The following KIF26B variants were observed in gnomAD, a reference collection of about 807,000 sequenced individuals.
KIF26B encodes kinesin-like protein KIF26B.
A neutral mutation model predicts 151.2 loss-of-function variants in KIF26B; 63 were observed. The ratio of observed to expected loss-of-function variants is 0.42; its 90% CI spans 0.34 to 0.51. The LOEUF (loss-of-function observed/expected upper bound fraction) is 0.51. KIF26B is among the 20% of genes least tolerant of loss of function. The probability of loss-of-function intolerance (pLI) is 0.07; values close to 1 mark genes in which losing one functional copy is unlikely to be tolerated. For synonymous variants in KIF26B, 1,357 were observed against 1,262.1 expected, an observed-to-expected ratio of 1.08 and a Z score of -1.59; for missense variants, 2,813 against 2,913.6, an observed-to-expected ratio of 0.97 and a Z score of 0.79.
chr1:245,177,636 T>C (rs1305865755), intron 2 of KIF26B, among the ~76,000 whole-genome samples: 1 of 151,416 alleles, frequency 6.6e-6, no homozygotes, highest in South Asian at 2.1e-4. Context: ...ATTCATTGCC[T>C]TTTGGTTTTG....
rs1000979874 is a variant in KIF26B at position 245,659,927 on chromosome 1, A to G, written c.2258+13647A>G. On this transcript the variant is annotated intron_variant, in intron 10 of 14. Coordinates refer to ENST00000407071, the MANE Select transcript of KIF26B (RefSeq NM_018012.4). ...GCCAGGCGTGGTGGAACATGCCTGT[A>G]ATCTCAGCTACTCAGGAGCCTGAGG... 2.0e-5 allele frequency among the ~76,000 whole-genome samples: 3 copies of G among 151,314 alleles called. No individual in the cohort carries two copies. In the South Asian group the frequency reaches 6.3e-4, roughly 32 times the overall value.
intron 2 of KIF26B, among the ~76,000 whole-genome samples, chr1:245,205,799 C>T (rs1669393519): frequency 6.6e-6 from 1 of 150,806 alleles, no homozygotes; most frequent in Non-Finnish European, 1.5e-5. Context: ...TGAACACCTT[C>T]TGGGCTCAAG....
intron 2 of KIF26B, among the ~76,000 whole-genome samples, chr1:245,177,584 G>A (rs367576626): frequency 6.6e-6 from 1 of 152,152 alleles, no homozygotes; most frequent in African/African-American, 2.4e-5. Flanking sequence ...AGTTGCTGTA[G>A]CGCCATTATT....
intron 3 of KIF26B, among the ~76,000 whole-genome samples, chr1:245,401,564 G>A (rs1042992830): frequency 1.3e-5 from 2 of 152,160 alleles, no homozygotes; most frequent in African/African-American, 4.8e-5. Context: ...GCTTCCAATA[G>A]ATAAGCAACA....
At chr1:245,382,340 G>A (rs1673430404) in intron 3 of KIF26B, among the ~76,000 whole-genome samples, 1 of 151,982 alleles carries the variant, frequency 6.6e-6, no homozygotes, top group Admixed American at 6.6e-5. Context: ...CATGTCTCTT[G>A]GCCATTGGTA....
chr1:245,520,563 C>T (rs61341225), intron 4 of KIF26B, among the ~76,000 whole-genome samples: 2 of 132,316 alleles, frequency 1.5e-5, no homozygotes, highest in Admixed American at 7.7e-5. Context: ...CATCCATCCA[C>T]CCATTCATCC....
chr1:245,474,877 C>CTTCT (rs1659999817), intron 4 of KIF26B, among the ~76,000 whole-genome samples: 1 of 151,784 alleles, frequency 6.6e-6, no homozygotes, highest in Admixed American at 6.6e-5. Context: ...TGAGTGAGAA[C>CTTCT]GTGTGATATT....
intron 4 of KIF26B, among the ~76,000 whole-genome samples, chr1:245,502,009 T>A (rs1660632588): frequency 6.6e-6 from 1 of 152,170 alleles, no homozygotes; most frequent in Non-Finnish European, 1.5e-5. Flanking sequence ...CGGCGTGCAC[T>A]TCAGATGAGC....
intron 3 of KIF26B, among the ~76,000 whole-genome samples, chr1:245,394,688 C>CTTTTTTTTT (rs900497785): frequency 1.6e-5 from 2 of 123,178 alleles, no homozygotes; most frequent in Non-Finnish European, 3.2e-5. Flanking sequence ...TTTTTTCTTT[C>CTTTTTTTTT]TTTTTTTTTT....
intron 4 of KIF26B, among the ~76,000 whole-genome samples, chr1:245,420,870 G>A (rs928385809): frequency 6.6e-6 from 1 of 152,204 alleles, no homozygotes; most frequent in Admixed American, 6.5e-5. Context: ...CTCTGATTAG[G>A]ACAGCGGCAA....
chr1:245,648,875 A>G (rs2043982018), intron 10 of KIF26B, among the ~76,000 whole-genome samples: 1 of 152,158 alleles, frequency 6.6e-6, no homozygotes, highest in Admixed American at 6.5e-5. Context: ...GCTTCCATGC[A>G]GTGTCAGCAC....
chr1:245,533,819 C>T (rs1661432281), intron 4 of KIF26B, among the ~76,000 whole-genome samples: 1 of 151,672 alleles, frequency 6.6e-6, no homozygotes, highest in African/African-American at 2.4e-5. Flanking sequence ...AAATCAAGTT[C>T]CCCCTCTAAT....
intron 4 of KIF26B, among the ~76,000 whole-genome samples, chr1:245,462,112 G>T (rs143677424): frequency 2.0e-5 from 3 of 152,042 alleles, no homozygotes; most frequent in African/African-American, 7.2e-5. Flanking sequence ...AATGGAGAGA[G>T]ACCCTGTCTC....
At chr1:245,309,729 T>C (rs896552479) in intron 2 of KIF26B, among the ~76,000 whole-genome samples, 1 of 147,838 alleles carries the variant, frequency 6.8e-6, no homozygotes, top group Non-Finnish European at 1.5e-5. Flanking sequence ...TTTATATATA[T>C]GTATATCCTA....
chr1:245,284,120 G>GT (rs1314089132), intron 2 of KIF26B, among the ~76,000 whole-genome samples: 1 of 152,172 alleles, frequency 6.6e-6, no homozygotes, highest in Non-Finnish European at 1.5e-5. Context: ...TATTAATGTA[G>GT]TTTTTTAACC....
At chr1:245,665,083 A>T (rs2044198854) in intron 10 of KIF26B, among the ~76,000 whole-genome samples, 1 of 152,206 alleles carries the variant, frequency 6.6e-6, no homozygotes, top group East Asian at 1.9e-4. Flanking sequence ...GTTTCAAAGG[A>T]TCTTCCCACA....
intron 11 of KIF26B, among the ~76,000 whole-genome samples, chr1:245,684,635 G>A (rs928263693): frequency 9.2e-5 from 14 of 152,224 alleles, no homozygotes; most frequent in African/African-American, 3.1e-4. Flanking sequence ...CTGGACCCCT[G>A]ACCGGAAGCA....
rs2044005852 is a variant in KIF26B, at chr1:245,650,743, C to T, written c.2258+4463C>T. Among the ~76,000 whole-genome samples the T allele has an allele frequency of 2.0e-5, 3 of 152,250 alleles. No individual in the cohort carries two copies. In the South Asian group the frequency reaches 6.2e-4, roughly 31 times the overall value. On this transcript the variant is annotated intron_variant, in intron 10 of 14. Transcript: ENST00000407071. ...TGTTTCTAAACACTCTGTTTCTAAA[C>T]AACAGCTAGTTGCTAATGTCTTGGC...
chr1:245,360,959 T>C (rs1273583311), intron 2 of KIF26B, among the ~76,000 whole-genome samples: 1 of 152,194 alleles, frequency 6.6e-6, no homozygotes, highest in Non-Finnish European at 1.5e-5. Flanking sequence ...ATCACACCAC[T>C]GCACTCCAGC....
Sources: gnomAD v4.1 joint callset for allele counts (sites outside exome capture counted in the v4.1 genomes callset) on GRCh38, gnomAD v4.1.1 for gene constraint, MANE v1.5 for transcripts, NCBI Gene and HGNC (gene_info 2026-07-23, HGNC 2026-07-21) for gene names.